The following ARHGAP21 variants were observed in gnomAD, a reference collection of about 807,000 sequenced individuals.
The protein encoded by ARHGAP21 is rho GTPase-activating protein 21.
A neutral mutation model predicts 164.6 loss-of-function variants in ARHGAP21; 38 were observed. The ratio of observed to expected loss-of-function variants is 0.23; its 90% CI spans 0.18 to 0.30. ARHGAP21 has a LOEUF of 0.30. ARHGAP21 is among the 10% of genes least tolerant of loss of function. The pLI is 1.00. For synonymous variants in ARHGAP21, 766 were observed against 857.9 expected (o/e 0.89, Z 1.87); for missense variants, 1,822 against 2,370.7 (o/e 0.77, Z 4.81).
intron 2 of ARHGAP21, among the ~76,000 whole-genome samples, chr10:24,691,476 A>T (rs1593303498): frequency 6.6e-6 from 1 of 152,232 alleles, no homozygotes; most frequent in Admixed American, 6.5e-5. Flanking sequence ...ACTAAGTAAA[A>T]AATTCTAAAT....
intron 9 of ARHGAP21, among the ~76,000 whole-genome samples, chr10:24,609,061 G>A (rs2077148745): frequency 6.6e-6 from 1 of 152,136 alleles, no homozygotes; most frequent in Non-Finnish European, 1.5e-5. Context: ...GTTTTATAGA[G>A]TCTGCTGATC....
intron 7 of ARHGAP21, chr10:24,629,175 G>A (rs1835595593): frequency 6.7e-6 from 1 of 148,568 alleles, no homozygotes; most frequent in Non-Finnish European, 1.5e-5. Context: ...TTTGTATTTA[G>A]TAGAGATAGG....
intron 21 of ARHGAP21, 88 bp from the exon 22 acceptor site, chr10:24,592,100 G>A (rs2130778984): frequency 3.1e-4 from 324 of 1,051,064 alleles, no homozygotes; most frequent in South Asian, 1.8e-3. Flanking sequence ...TGATGAAAAA[G>A]AATAAACAGA....
At chr10:24,586,136 A>C in intron 25 of ARHGAP21, 30 bp from the exon 26 acceptor site, 1 of 1,535,336 alleles carries the variant, frequency 6.5e-7, no homozygotes, top group Non-Finnish European at 8.7e-7. Context: ...AAAGACTCTG[A>C]GCATAAGAAT....
intron 3 of ARHGAP21, among the ~76,000 whole-genome samples, chr10:24,669,043 C>T (rs1422860403): frequency 6.6e-6 from 1 of 152,056 alleles, no homozygotes; most frequent in East Asian, 1.9e-4. Context: ...GAGATCTAGT[C>T]CAGTTGTTTT....
At chr10:24,622,926 C>T (rs1031332697) in intron 7 of ARHGAP21, 164 bp from the exon 8 acceptor site, 3 of 572,890 alleles carry the variant, frequency 5.2e-6, no homozygotes, top group East Asian at 3.1e-5. Context: ...AGAATAACTC[C>T]AGTATTCTTC....
chr10:24,720,048 T>A (rs1454889575), intron 2 of ARHGAP21, among the ~76,000 whole-genome samples: 1 of 152,174 alleles, frequency 6.6e-6, no homozygotes, highest in African/African-American at 2.4e-5. Context: ...CAGGTGATAT[T>A]GTGTTTTCTT....
chr10:24,697,098 G>C (rs578069804), intron 2 of ARHGAP21, among the ~76,000 whole-genome samples: 29 of 152,256 alleles, frequency 1.9e-4, no homozygotes, highest in African/African-American at 6.7e-4. Flanking sequence ...TCTAGAGATG[G>C]GTAACAAAAC....
chr10:24,641,918 C>A (rs914992935), intron 4 of ARHGAP21, among the ~76,000 whole-genome samples: 9 of 151,464 alleles, frequency 5.9e-5, no homozygotes, highest in Non-Finnish European at 1.0e-4. Context: ...ACTGCTTAAA[C>A]ACGGGAGGTG....
intron 4 of ARHGAP21, among the ~76,000 whole-genome samples, chr10:24,657,624 G>C (rs895837310): frequency 7.8e-6 from 1 of 128,584 alleles, no homozygotes; most frequent in African/African-American, 3.1e-5. Flanking sequence ...GAAAGGTGGG[G>C]AAAAGATTGA....
In ARHGAP21 at chr10:24,585,841, G is replaced by T; in HGVS notation, c.4448C>A (p.Pro1483His). ...IAKENSTRKD[P>H]STTKDEKISL... The stretch of plus-strand genomic sequence containing the variant: ...TATCTTTTCATCTTTTGTCGTGCTG[G>T]GGTCTTTCCTAGTGCTGTTTTCTTT... Residue 1483 changes from proline to histidine, a missense_variant, in exon 26 of 26, where the codon CCC (proline) becomes CAC (histidine). By Grantham distance (77) the Pro-to-His change is moderately conservative. Around this residue, in one of 5 missense-constraint regions of ARHGAP21, gnomAD observed 333 missense variants for 383.9 expected, o/e 0.87. Coordinates refer to ENST00000396432, the MANE Select transcript of ARHGAP21 (RefSeq NM_020824.4). 1 of 1,613,912 alleles carries T rather than the reference G, an allele frequency of 6.2e-7. No individual in the cohort carries two copies. The highest frequency in any genetic ancestry group is 2.2e-5 in the East Asian group (1 of 44,880).
At chr10:24,615,774 ATTTTAT>A (rs1833880293) in intron 9 of ARHGAP21, among the ~76,000 whole-genome samples, 1 of 47,284 alleles carries the variant, frequency 2.1e-5, no homozygotes, top group Non-Finnish European at 6.3e-5. Context: ...TTATTTTATT[ATTTTAT>A]TTTATTTTTT....
chr10:24,642,094 T>G (rs1455008650), intron 4 of ARHGAP21, among the ~76,000 whole-genome samples: 1 of 152,036 alleles, frequency 6.6e-6, no homozygotes, highest in African/African-American at 2.4e-5. Context: ...TATAAAAACA[T>G]TTTCAATCTT....
chr10:24,614,278 T>C (rs1398930055), intron 9 of ARHGAP21, among the ~76,000 whole-genome samples: 1 of 152,134 alleles, frequency 6.6e-6, no homozygotes, highest in East Asian at 1.9e-4. Context: ...ACTTGGGTAG[T>C]GAGAAGGGCC....
At position 24,596,254 on chromosome 10, in the gene ARHGAP21, A is replaced by G. The variant is rs1210712045; in HGVS notation, c.3478-211T>C. 10 of 471,070 alleles carry G rather than the reference A, an allele frequency of 2.1e-5. No individual in the cohort carries two copies. The East Asian group carries it at 2.8e-4, about 13-fold the overall frequency. The allele number at this position is 471,070 out of a possible 1,614,324, so 29.2% of individuals were successfully genotyped here. ...AGAACAAAGAGACTGAAAGAAAGAGAGGGACCCCCAGAGAGATAACATTCT... is the reference window on the plus strand; with the variant it reads ...AGAACAAAGAGACTGAAAGAAAGAGGGGGACCCCCAGAGAGATAACATTCT... On this transcript the variant is annotated intron_variant, in intron 17 of 25. Transcript: ENST00000396432.
chr10:24,689,263 G>A (rs2131985789), intron 2 of ARHGAP21, among the ~76,000 whole-genome samples: 2 of 152,088 alleles, frequency 1.3e-5, no homozygotes, highest in South Asian at 4.1e-4. Context: ...ATAGCTATTG[G>A]CTAATGTATC....
At chr10:24,621,627 T>C (rs1458439884) in intron 8 of ARHGAP21, among the ~76,000 whole-genome samples, 1 of 152,184 alleles carries the variant, frequency 6.6e-6, no homozygotes, top group Admixed American at 6.5e-5. Flanking sequence ...ACTCATCAAA[T>C]TTCTACCCAA....
chr10:24,602,448 A>T (rs1564986158), intron 12 of ARHGAP21, among the ~76,000 whole-genome samples: 1 of 152,212 alleles, frequency 6.6e-6, no homozygotes, highest in Non-Finnish European at 1.5e-5. Flanking sequence ...CCTGGTGATG[A>T]GGTGGCAGGG....
chr10:24,660,764 C>T (rs1839604246), intron 4 of ARHGAP21, among the ~76,000 whole-genome samples: 1 of 152,178 alleles, frequency 6.6e-6, no homozygotes. Context: ...CATTAAATAG[C>T]CTAAAATCCT....
Sources: allele counts gnomAD v4.1 joint callset (sites outside exome capture counted in the v4.1 genomes callset), GRCh38; gene constraint gnomAD v4.1.1; regional missense constraint gnomAD v4.1.1; transcripts MANE v1.5; gene names NCBI Gene and HGNC (gene_info 2026-07-23, HGNC 2026-07-21).